The following RBM20 variants were observed in gnomAD, a reference collection of about 807,000 sequenced individuals.
RBM20 encodes the protein RNA binding motif protein 20, also known as RNA-binding protein 20.
In RBM20, 51 loss-of-function variants were observed where a neutral mutation model predicts 110.1. That is an observed-to-expected ratio of 0.46 (90% CI 0.37 to 0.59). The LOEUF is 0.59. RBM20 is among the 20% of genes least tolerant of loss of function. The probability of loss-of-function intolerance (pLI) is 0.00; values close to 1 mark genes in which losing one functional copy is unlikely to be tolerated. For missense variants in RBM20, 1,512 were observed against 1,574.9 expected, an observed-to-expected ratio of 0.96 and a Z score of 0.68; for synonymous variants, 589 against 618.2, an observed-to-expected ratio of 0.95 and a Z score of 0.70.
intron 1 of RBM20, among the ~76,000 whole-genome samples, chr10:110,735,704 G>T (rs77341486): frequency 6.6e-6 from 1 of 152,178 alleles, no homozygotes; most frequent in African/African-American, 2.4e-5. Flanking sequence ...GTCATCTAGC[G>T]CATGAGCATG....
At chr10:110,751,224 G>A (rs1843849542) in intron 1 of RBM20, among the ~76,000 whole-genome samples, 1 of 152,194 alleles carries the variant, frequency 6.6e-6, no homozygotes, top group Non-Finnish European at 1.5e-5. Flanking sequence ...ACCTGTCTGG[G>A]TGCTAGATGA....
chr10:110,644,774 A>G lies in RBM20; in HGVS notation c.191+129A>G. The G allele has an allele frequency of 1.5e-6, 1 of 668,746 alleles. No homozygotes were observed. The highest frequency in any genetic ancestry group is 2.4e-6 in the Non-Finnish European group (1 of 425,220). 41.4% of individuals were successfully genotyped at this position (668,746 alleles called of 1,614,324 possible). ...CCCCTTGGGTTTGAAGTTTTCTCGTACCCCCTCTGGGCAGAGTCGGTGTCC... is the reference window on the plus strand; with the variant it reads ...CCCCTTGGGTTTGAAGTTTTCTCGTGCCCCCTCTGGGCAGAGTCGGTGTCC... On this transcript the variant is annotated intron_variant, in intron 1 of 13. Coordinates refer to ENST00000369519, the MANE Select transcript of RBM20 (RefSeq NM_001134363.3). This position sits in a 1 kb window ranked among gnomAD's most constrained non-coding sequence, Gnocchi z 4.3.
At chr10:110,793,623 G>A (rs1030933478) in intron 5 of RBM20, among the ~76,000 whole-genome samples, 2 of 152,208 alleles carry the variant, frequency 1.3e-5, no homozygotes, top group Admixed American at 6.5e-5. Context: ...TTACATCTCC[G>A]TATTTGCCTA....
Position 110,823,464 on chromosome 10 carries a change from G to A in RBM20, c.3317-16G>A. On this transcript the variant is annotated splice_polypyrimidine_tract_variant and intron_variant, in intron 11 of 13. Transcript: ENST00000369519. ...TTTTTTTTTTTTTTTTTTTTGCCTT[G>A]GTTCATGTTTTGCAGAAAACTCCAG... 2.3e-6 allele frequency: 2 copies of A among 883,474 alleles called. No homozygotes were observed. The highest frequency in any genetic ancestry group is 3.0e-6 in the Non-Finnish European group (2 of 669,482). The allele number at this position is 883,474 out of a possible 1,614,324, so 54.7% of individuals were successfully genotyped here.
chr10:110,820,494 C>T (rs1844894876), intron 10 of RBM20, among the ~76,000 whole-genome samples: 2 of 152,208 alleles, frequency 1.3e-5, no homozygotes, highest in African/African-American at 2.4e-5. Flanking sequence ...AGACAAGTCC[C>T]TTGGCGGGGA....
chr10:110,740,604 A>T (rs1389348796), intron 1 of RBM20, among the ~76,000 whole-genome samples: 4 of 152,078 alleles, frequency 2.6e-5, no homozygotes, highest in Admixed American at 6.5e-5. Flanking sequence ...TCCCTCTCCC[A>T]CCAGGGCTTG....
intron 11 of RBM20, among the ~76,000 whole-genome samples, chr10:110,823,115 A>G (rs1844935423): frequency 6.6e-6 from 1 of 151,732 alleles, no homozygotes; most frequent in Admixed American, 6.6e-5. Flanking sequence ...GGACGTCAGC[A>G]CAATTTTTGC....
chr10:110,656,480 G>T (rs1210195433), intron 1 of RBM20, among the ~76,000 whole-genome samples: 4 of 152,084 alleles, frequency 2.6e-5, no homozygotes, highest in Non-Finnish European at 4.4e-5. Context: ...GTGTGTGTGT[G>T]TGTGTGTCTT....
At chr10:110,815,984 A>G (rs1844832612) in intron 9 of RBM20, among the ~76,000 whole-genome samples, 1 of 152,126 alleles carries the variant, frequency 6.6e-6, no homozygotes, top group Admixed American at 6.5e-5. Flanking sequence ...ACTGTCCTCA[A>G]ACTCTGTATG....
intron 5 of RBM20, among the ~76,000 whole-genome samples, chr10:110,787,545 A>G (rs1490096490): frequency 6.6e-6 from 1 of 152,230 alleles, no homozygotes; most frequent in Non-Finnish European, 1.5e-5. Context: ...AAATCTGTCT[A>G]GTAATACCCA....
intron 5 of RBM20, among the ~76,000 whole-genome samples, chr10:110,794,472 T>A (rs968558779): frequency 6.6e-6 from 1 of 152,248 alleles, no homozygotes; most frequent in African/African-American, 2.4e-5. Context: ...CATGGCTCAC[T>A]TAGAAAATAA....
At chr10:110,648,584 G>A (rs1351566615) in intron 1 of RBM20, among the ~76,000 whole-genome samples, 1 of 152,158 alleles carries the variant, frequency 6.6e-6, no homozygotes, top group Non-Finnish European at 1.5e-5. Flanking sequence ...CCCAATTTTA[G>A]GGGAAATAGG....
intron 1 of RBM20, among the ~76,000 whole-genome samples, chr10:110,768,429 G>A (rs1844139850): frequency 6.6e-6 from 1 of 152,148 alleles, no homozygotes; most frequent in African/African-American, 2.4e-5. Flanking sequence ...TTTGGGAAAG[G>A]GATATTTTTC....
At chr10:110,787,245 C>G (rs1334507913) in intron 5 of RBM20, among the ~76,000 whole-genome samples, 2 of 152,254 alleles carry the variant, frequency 1.3e-5, no homozygotes, top group Non-Finnish European at 2.9e-5. Context: ...CCATGCAGCT[C>G]TGCAGCCCAG....
chr10:110,743,188 C>A (rs1383881876), intron 1 of RBM20, among the ~76,000 whole-genome samples: 1 of 152,112 alleles, frequency 6.6e-6, no homozygotes, highest in African/African-American at 2.4e-5. Flanking sequence ...GTATATTTTA[C>A]CAACAATGGA....
intron 7 of RBM20, 65 bp from the exon 8 acceptor site, chr10:110,810,318 G>A: frequency 8.1e-7 from 1 of 1,230,768 alleles, no homozygotes; most frequent in Non-Finnish European, 1.2e-6. Flanking sequence ...CCAGGTCAGA[G>A]CTGCTTCCCT....
At chr10:110,800,997 G>A (rs181100387) in intron 7 of RBM20, among the ~76,000 whole-genome samples, 92 of 152,278 alleles carry the variant, frequency 6.0e-4, no homozygotes, top group African/African-American at 2.1e-3. Flanking sequence ...ATATGCACTT[G>A]AGCATATAAC....
At chr10:110,672,299 G>A (rs1862272761) in intron 1 of RBM20, among the ~76,000 whole-genome samples, 1 of 152,144 alleles carries the variant, frequency 6.6e-6, no homozygotes, top group East Asian at 1.9e-4. Flanking sequence ...TGGCTCCCTC[G>A]GCTTTCCCCT....
rs1417634 is a variant in RBM20 at position 110,813,172 on chromosome 10, G to A, written c.2550+225G>A. Among the ~76,000 whole-genome samples, 84,514 of 151,976 alleles carry A rather than the reference G, an allele frequency of 0.56. 23,644 individuals carry two copies. The highest frequency in any genetic ancestry group is 0.65 in the South Asian group (3,118 of 4,812). ...GTACTATTGTTACTGCAGGTGAGGA[G>A]ACTGAGGCACAGAGAACTTACGTTA... is the stretch of plus-strand genomic sequence containing the variant. On this transcript the variant is annotated intron_variant, in intron 9 of 13. Transcript: ENST00000369519.
Sources: allele counts gnomAD v4.1 joint callset (sites outside exome capture counted in the v4.1 genomes callset), GRCh38; gene constraint gnomAD v4.1.1; non-coding constraint Gnocchi (gnomAD v3.1); transcripts MANE v1.5; gene names NCBI Gene and HGNC (gene_info 2026-07-23, HGNC 2026-07-21).